Variants in HDAC8 observed in about 807,000 individuals in gnomAD.
HDAC8 encodes histone deacetylase-like 1.
In HDAC8, 1 loss-of-function variant was observed where a neutral mutation model predicts 32.2. That is an observed-to-expected ratio of 0.03 (90% CI 0.01 to 0.15). The LOEUF (loss-of-function observed/expected upper bound fraction) is 0.15, where lower values mean the gene tolerates loss of function less well. Among genes scored for constraint, HDAC8 ranks in the 10% least tolerant of loss-of-function variants. The pLI is 1.00. For missense variants in HDAC8, 117 were observed against 300.0 expected (o/e 0.39, Z 4.51); for synonymous variants, 108 against 113.9 (o/e 0.95, Z 0.33).
intron 4 of HDAC8, among the ~76,000 whole-genome samples, chrX:72,513,261 A>G (rs2049654510): frequency 1.8e-5 from 2 of 111,748 alleles, no homozygotes; most frequent in Admixed American, 1.9e-4. Context: ...CAAAGACTGT[A>G]TATTATTCAC....
chrX:72,507,149 A>C (rs1171473616), intron 4 of HDAC8, among the ~76,000 whole-genome samples: 1 of 111,474 alleles, frequency 9.0e-6, no homozygotes, highest in Non-Finnish European at 1.9e-5. Context: ...ACACCTGGCC[A>C]ACATTTCTTT....
intron 4 of HDAC8, among the ~76,000 whole-genome samples, chrX:72,562,650 G>A (rs988941601): frequency 1.3e-4 from 14 of 109,243 alleles, no homozygotes; most frequent in East Asian, 2.8e-4. Flanking sequence ...GTAACCAAAC[G>A]CCACCTGTTC....
At chrX:72,403,826 G>A (rs2045969866) in intron 9 of HDAC8, among the ~76,000 whole-genome samples, 1 of 111,026 alleles carries the variant, frequency 9.0e-6, no homozygotes, top group African/African-American at 3.3e-5. Flanking sequence ...GATTCTGTCT[G>A]GCTGATGTGG....
At chrX:72,554,508 G>C (rs1377151491) in intron 4 of HDAC8, among the ~76,000 whole-genome samples, 2 of 96,218 alleles carry the variant, frequency 2.1e-5, no homozygotes, top group East Asian at 3.4e-4. Flanking sequence ...GAGCGGGGAG[G>C]GCGGGGAGGG....
Position 72,343,539 on chromosome X carries a change from C to T in HDAC8, c.1111+8194G>A, listed in dbSNP as rs782266225. Among the ~76,000 whole-genome samples, 5 of 111,259 alleles carry T rather than the reference C, an allele frequency of 4.5e-5. No individual in the cohort carries two copies. In the East Asian group the frequency reaches 1.1e-3, roughly 25 times the overall value. On this transcript the variant is annotated intron_variant, in intron 10 of 10. Coordinates refer to ENST00000373573, the MANE Select transcript of HDAC8 (RefSeq NM_018486.3). Reference sequence around the variant, plus strand: ...CTCTGTTCCCAAATGTCACCTCCTCCGAGAGGTCTTTACTGAATAGCATCC... The same window carrying T: ...CTCTGTTCCCAAATGTCACCTCCTCTGAGAGGTCTTTACTGAATAGCATCC...
At chrX:72,537,763 G>A (rs2050577853) in intron 4 of HDAC8, among the ~76,000 whole-genome samples, 1 of 112,377 alleles carries the variant, frequency 8.9e-6, no homozygotes, top group Non-Finnish European at 1.9e-5. Flanking sequence ...GGCAAGACTA[G>A]TGGTTTAAGC....
intron 4 of HDAC8, among the ~76,000 whole-genome samples, chrX:72,521,168 G>A (rs1280086568): frequency 9.0e-6 from 1 of 110,762 alleles, no homozygotes; most frequent in Non-Finnish European, 1.9e-5. Context: ...TCCATCTGAT[G>A]ATCTTTGCCA....
At chrX:72,548,285 T>C (rs1478513641) in intron 4 of HDAC8, among the ~76,000 whole-genome samples, 3 of 111,558 alleles carry the variant, frequency 2.7e-5, no homozygotes, top group African/African-American at 6.5e-5. Flanking sequence ...TCAAGATGTC[T>C]GAGAGAGACC....
At chrX:72,410,937 C>G (rs1335683079) in intron 9 of HDAC8, among the ~76,000 whole-genome samples, 1 of 111,483 alleles carries the variant, frequency 9.0e-6, no homozygotes, top group African/African-American at 3.3e-5. Flanking sequence ...CCCTTTCCCA[C>G]CTCACTCTTC....
intron 4 of HDAC8, among the ~76,000 whole-genome samples, chrX:72,566,018 G>A (rs782429351): frequency 3.7e-5 from 4 of 109,432 alleles, no homozygotes; most frequent in East Asian, 2.9e-4. Context: ...ATGGTGGCAC[G>A]TGCCTGTAGT....
chrX:72,531,515 C>T (rs1191746055), intron 4 of HDAC8, among the ~76,000 whole-genome samples: 1 of 111,743 alleles, frequency 8.9e-6, no homozygotes, highest in African/African-American at 3.3e-5. Flanking sequence ...AATTCTTCTT[C>T]TTTAAAAAGA....
intron 9 of HDAC8, among the ~76,000 whole-genome samples, chrX:72,455,696 G>C (rs782012387): frequency 1.8e-5 from 2 of 112,226 alleles, no homozygotes; most frequent in Non-Finnish European, 3.8e-5. Flanking sequence ...GAGCATAACA[G>C]CTTCTCAATA....
In HDAC8 at chrX:72,478,803, C is replaced by T. The variant is rs192848654; in HGVS notation, c.737+10130G>A. Among the ~76,000 whole-genome samples the T allele has an allele frequency of 4.6e-5, 5 of 109,151 alleles. No homozygotes were observed. The East Asian group carries it at 1.2e-3, about 25-fold the overall frequency. The allele number at this position is 109,151 out of a possible 115,157, so 94.8% of individuals were successfully genotyped here. A position where few individuals can be genotyped will look rare whatever the true frequency, so the allele number is the denominator to read the frequency against. On this transcript the variant is annotated intron_variant, in intron 7 of 10. Transcript: ENST00000373573. ...TCCCAAGTAGCTGGGACTACAGGCACGCACCACCAAGCCCAGCTAATTTTT... is the reference window on the plus strand; with the variant it reads ...TCCCAAGTAGCTGGGACTACAGGCATGCACCACCAAGCCCAGCTAATTTTT...
intron 4 of HDAC8, among the ~76,000 whole-genome samples, chrX:72,524,303 T>A (rs1275975601): frequency 1.8e-5 from 2 of 111,942 alleles, no homozygotes; most frequent in Non-Finnish European, 3.8e-5. Context: ...CACTCAAAAC[T>A]GGATTCTAAG....
chrX:72,561,941 AC>A (rs2051577408), intron 4 of HDAC8, among the ~76,000 whole-genome samples: 1 of 112,550 alleles, frequency 8.9e-6, no homozygotes, highest in Non-Finnish European at 1.9e-5. Flanking sequence ...GCTCAACATC[AC>A]TAGCGATCAG....
chrX:72,390,224 A>T (rs187113740), intron 9 of HDAC8, among the ~76,000 whole-genome samples: 5 of 111,491 alleles, frequency 4.5e-5, no homozygotes, highest in Non-Finnish European at 9.4e-5. Flanking sequence ...ACAACAAATC[A>T]TTGCTGACTA....
intron 4 of HDAC8, among the ~76,000 whole-genome samples, chrX:72,563,535 C>A (rs189651890): frequency 9.0e-6 from 1 of 111,328 alleles, no homozygotes; most frequent in African/African-American, 3.3e-5. Context: ...GAGCAAGACC[C>A]TGTCTCATAA....
intron 9 of HDAC8, among the ~76,000 whole-genome samples, chrX:72,408,294 G>T (rs1235123788): frequency 8.9e-6 from 1 of 111,925 alleles, no homozygotes; most frequent in African/African-American, 3.3e-5. Context: ...GTCAGCTGTA[G>T]GATTAAATAT....
chrX:72,415,886 C>T (rs373847267), intron 9 of HDAC8, among the ~76,000 whole-genome samples: 89 of 111,613 alleles, frequency 8.0e-4, no homozygotes, highest in African/African-American at 2.8e-3. Flanking sequence ...ATGTTATTTG[C>T]AGATAAGGAC....
Sources: allele counts gnomAD v4.1 joint callset (sites outside exome capture counted in the v4.1 genomes callset), GRCh38; gene constraint gnomAD v4.1.1; transcripts MANE v1.5; gene names NCBI Gene and HGNC (gene_info 2026-07-23, HGNC 2026-07-21).